The following VAV3 variants were observed in gnomAD, a reference collection of about 807,000 sequenced individuals.
VAV3 encodes vav guanine nucleotide exchange factor 3.
A neutral mutation model predicts 131.2 loss-of-function variants in VAV3; 94 were observed. The observed-to-expected ratio is 0.72, with a 90% CI of 0.61 to 0.85. The LOEUF (loss-of-function observed/expected upper bound fraction) is 0.85. Among genes scored for constraint, VAV3 ranks in the 40% least tolerant of loss-of-function variants. The pLI, the probability that VAV3 is intolerant of heterozygous loss-of-function variation, is 0.00. For synonymous variants in VAV3, 349 were observed against 342.0 expected (o/e 1.02, Z -0.22); for missense variants, 939 against 1,002.7 (o/e 0.94, Z 0.86).
At chr1:107,824,009 G>A (rs773233887) in intron 2 of VAV3, among the ~76,000 whole-genome samples, 6 of 152,216 alleles carry the variant, frequency 3.9e-5, no homozygotes, top group African/African-American at 7.2e-5. Flanking sequence ...ATTTTGTTAC[G>A]GCAGTCCAAA....
At chr1:107,845,772 C>T (rs1227849555) in intron 2 of VAV3, among the ~76,000 whole-genome samples, 1 of 151,540 alleles carries the variant, frequency 6.6e-6, no homozygotes, top group Non-Finnish European at 1.5e-5. Context: ...AAGGAACAAA[C>T]AAAGACTCCA....
chr1:107,671,765 G>C (rs149742042), intron 19 of VAV3, among the ~76,000 whole-genome samples: 28 of 117,544 alleles, frequency 2.4e-4, no homozygotes, highest in Non-Finnish European at 3.7e-4. Context: ...GGCTTAGTTT[G>C]TCATATTTTA....
intron 1 of VAV3, among the ~76,000 whole-genome samples, chr1:107,892,355 C>A (rs971382339): frequency 6.6e-6 from 1 of 152,152 alleles, no homozygotes; most frequent in African/African-American, 2.4e-5. Context: ...TTTAAGCACA[C>A]GCTGAGTACA....
At chr1:107,887,249 T>C (rs1472624957) in intron 1 of VAV3, among the ~76,000 whole-genome samples, 1 of 152,202 alleles carries the variant, frequency 6.6e-6, no homozygotes, top group Non-Finnish European at 1.5e-5. Flanking sequence ...TCAGTCAAAC[T>C]CCAGGAAGTC....
chr1:107,761,520 A>G (rs1433339918), intron 9 of VAV3, among the ~76,000 whole-genome samples: 1 of 152,154 alleles, frequency 6.6e-6, no homozygotes, highest in Non-Finnish European at 1.5e-5. Context: ...CAGTGGACTT[A>G]TAGAACAGGC....
chr1:107,745,154 A>G (rs571299842), intron 15 of VAV3, among the ~76,000 whole-genome samples: 1 of 152,332 alleles, frequency 6.6e-6, no homozygotes, highest in South Asian at 2.1e-4. Context: ...GTCCTGTTTC[A>G]CATATGACTA....
intron 19 of VAV3, among the ~76,000 whole-genome samples, chr1:107,678,678 C>T (rs1658387862): frequency 6.6e-6 from 1 of 151,884 alleles, no homozygotes; most frequent in East Asian, 1.9e-4. Flanking sequence ...ACACTAAGAA[C>T]AATAGTATTA....
intron 17 of VAV3, among the ~76,000 whole-genome samples, chr1:107,702,083 A>G (rs2101834768): frequency 6.6e-6 from 1 of 152,322 alleles, no homozygotes; most frequent in East Asian, 1.9e-4. Flanking sequence ...GCTATAATGT[A>G]ATACCTGAGA....
Position 107,749,557 on chromosome 1 carries a change from T to C in VAV3, c.1297A>G (p.Lys433Glu), listed in dbSNP as rs1663577134. Residue 433 changes from lysine (K) to glutamate (E), a missense_variant, in exon 14 of 27, where the codon AAG becomes GAG. Lys to Glu is a moderately conservative substitution (Grantham distance 56). Transcript: ENST00000370056. ...ATTTCATAGTTATCACCTTTTCTCT[T>C]ACATACGATCACTGCCAAATCAAAT... ...FLFDLAVIVC[K>E]RKGDNYEMKE... is the part of the protein sequence containing the mutation. The C allele has an allele frequency of 6.2e-7, 1 of 1,611,590 alleles. No homozygotes were observed. The highest frequency in any genetic ancestry group is 1.3e-5 in the African/African-American group (1 of 74,814).
intron 1 of VAV3, among the ~76,000 whole-genome samples, chr1:107,912,356 G>A (rs1053946112): frequency 6.6e-6 from 1 of 152,162 alleles, no homozygotes; most frequent in East Asian, 1.9e-4. Flanking sequence ...CACCACCAAG[G>A]GCAGATAGTG....
In VAV3 at chr1:107,766,429, T is replaced by A; in HGVS notation, c.821+18A>T. 6.4e-7 allele frequency: 1 copy of A among 1,565,888 alleles called. No individual in the cohort carries two copies. Among genetic ancestry groups the A allele is most frequent in the South Asian group, 1.1e-5 (1 of 88,726 alleles). ...AATTACAAGCTAAGACCCACAAAAC[T>A]TAAACTTCAAAAGTTACCTTTCCTT... On this transcript the variant is annotated intron_variant, in intron 8 of 26. Coordinates refer to ENST00000370056, the MANE Select transcript of VAV3 (RefSeq NM_006113.5).
chr1:107,676,956 G>A (rs1050077511), intron 19 of VAV3, among the ~76,000 whole-genome samples: 1 of 152,066 alleles, frequency 6.6e-6, no homozygotes, highest in Non-Finnish European at 1.5e-5. Flanking sequence ...TTCCTCAAAG[G>A]CAGAGGAACT....
chr1:107,747,393 C>T lies in VAV3; in HGVS notation c.1502+1575G>A, dbSNP rs117928799. Among the ~76,000 whole-genome samples the T allele has an allele frequency of 6.4e-4, 98 of 152,172 alleles. 1 individual carries two copies. The East Asian group carries it at 7.1e-3, about 11-fold the overall frequency. ...AGCCTAGCATATAAGAGCAAAGGCT[C>T]GAGATCAGCTCTGTCTTTGCATATT... is the stretch of plus-strand genomic sequence containing the variant. On this transcript the variant is annotated intron_variant, in intron 15 of 26. Coordinates refer to ENST00000370056, the MANE Select transcript of VAV3 (RefSeq NM_006113.5).
chr1:107,612,656 C>G (rs968071587), intron 21 of VAV3, among the ~76,000 whole-genome samples: 3 of 151,994 alleles, frequency 2.0e-5, no homozygotes, highest in Admixed American at 6.6e-5. Flanking sequence ...TATATTGTAT[C>G]TTGGACAATT....
intron 19 of VAV3, among the ~76,000 whole-genome samples, chr1:107,673,032 T>C (rs1302036774): frequency 1.3e-5 from 2 of 152,214 alleles, no homozygotes; most frequent in Non-Finnish European, 1.5e-5. Flanking sequence ...TGTACCTCTA[T>C]GACGCCATTG....
intron 2 of VAV3, among the ~76,000 whole-genome samples, chr1:107,829,449 G>A (rs1189254977): frequency 6.6e-6 from 1 of 152,078 alleles, no homozygotes; most frequent in Admixed American, 6.5e-5. Flanking sequence ...ATAAAACCTA[G>A]GAGATTAAAG....
Position 107,874,973 on chromosome 1 carries a change from A to G in VAV3, c.249T>C (p.Cys83=), listed in dbSNP as rs757322219. The G allele has an allele frequency of 8.1e-6, 13 of 1,613,440 alleles. No homozygotes were observed. In the South Asian group the frequency reaches 1.4e-4, roughly 18 times the overall value. ...CACTTTTCCTCATTCCAAACGTCTC[A>G]CAACAGGCCGTGAGAAATGTCCTTA... is the stretch of plus-strand genomic sequence containing the variant. ...KNIRTFLTAC[C]ETFGMRKSEL... is the part of the protein sequence containing the mutation. Residue 83 remains cysteine, a synonymous_variant, in exon 2 of 27, where the codon TGT becomes TGC. Coordinates refer to ENST00000370056, the MANE Select transcript of VAV3 (RefSeq NM_006113.5).
intron 2 of VAV3, among the ~76,000 whole-genome samples, chr1:107,853,052 T>G (rs1486346953): frequency 6.6e-6 from 1 of 152,188 alleles, no homozygotes; most frequent in East Asian, 1.9e-4. Context: ...TTTGAAAGCA[T>G]GTTTACTGGT....
intron 10 of VAV3, among the ~76,000 whole-genome samples, 160 bp from the exon 11 acceptor site, chr1:107,757,489 TAAG>T (rs1479377172): frequency 6.6e-6 from 1 of 152,148 alleles, no homozygotes; most frequent in Non-Finnish European, 1.5e-5. Context: ...TTTCAAACTG[TAAG>T]AAGACCAACT....
Sources: gnomAD v4.1 joint callset for allele counts (sites outside exome capture counted in the v4.1 genomes callset) on GRCh38, gnomAD v4.1.1 for gene constraint, MANE v1.5 for transcripts, NCBI Gene and HGNC (gene_info 2026-07-23, HGNC 2026-07-21) for gene names.